The following PPEF2 variants were observed in gnomAD, a reference collection of about 807,000 sequenced individuals.
The protein encoded by PPEF2 is serine/threonine-protein phosphatase with EF-hands 2.
In PPEF2, 84 loss-of-function variants were observed where a neutral mutation model predicts 84.7. The ratio of observed to expected loss-of-function variants is 0.99; its 90% CI spans 0.83 to 1.19. The LOEUF is 1.19. Ranked by LOEUF, PPEF2 falls within the 50% of genes most tolerant of loss-of-function variation. PPEF2 has a pLI of 0.00. For synonymous variants in PPEF2, 346 were observed against 345.2 expected (o/e 1.00, Z -0.03); for missense variants, 924 against 937.5 (o/e 0.99, Z 0.19).
chr4:75,871,929 T>C, intron 13 of PPEF2, 96 bp downstream of exon 13: 3 of 1,337,844 alleles, frequency 2.2e-6, no homozygotes, highest in South Asian at 3.0e-5. Flanking sequence ...AATTCTCACG[T>C]AGAATTTGAA....
At chr4:75,899,310 C>T (rs186093103) in intron 1 of PPEF2, among the ~76,000 whole-genome samples, 1 of 152,268 alleles carries the variant, frequency 6.6e-6, no homozygotes, top group Non-Finnish European at 1.5e-5. Context: ...AATAATGTTA[C>T]AATAAACATG....
intron 1 of PPEF2, among the ~76,000 whole-genome samples, chr4:75,900,927 G>A (rs1266382206): frequency 6.6e-6 from 1 of 152,054 alleles, no homozygotes; most frequent in Non-Finnish European, 1.5e-5. Flanking sequence ...AGCACGCCTA[G>A]TGTGATATCA....
intron 1 of PPEF2, among the ~76,000 whole-genome samples, chr4:75,899,173 T>C (rs569636644): frequency 2.2e-4 from 33 of 152,314 alleles, no homozygotes; most frequent in African/African-American, 7.7e-4. Flanking sequence ...ACCCATATTG[T>C]CACACAGAAC....
At position 75,887,784 on chromosome 4, in the gene PPEF2, G is replaced by A. The variant is rs146462798; in HGVS notation, c.532+430C>T. 2.4e-3 allele frequency among the ~76,000 whole-genome samples: 369 copies of A among 152,278 alleles called. 1 individual carries two copies. The highest frequency in any genetic ancestry group is 4.3e-3 in the Non-Finnish European group (290 of 68,026). ...CTACAGTGGATGTTAAAAATCACTG[G>A]AAACATAAGATGGGGAAAACAGTCA... On this transcript the variant is annotated intron_variant, in intron 6 of 16. Coordinates refer to ENST00000286719, the MANE Select transcript of PPEF2 (RefSeq NM_006239.3).
At chr4:75,877,855 T>G (rs1724469954) in intron 10 of PPEF2, among the ~76,000 whole-genome samples, 1 of 152,186 alleles carries the variant, frequency 6.6e-6, no homozygotes, top group Non-Finnish European at 1.5e-5. Flanking sequence ...AACCTGGTCC[T>G]TCACATATAA....
chr4:75,869,186 T>C (rs1156250106), intron 13 of PPEF2, among the ~76,000 whole-genome samples: 1 of 152,220 alleles, frequency 6.6e-6, no homozygotes. Context: ...AAGCTGCTCC[T>C]GGTAATCTGT....
At chr4:75,884,493 C>T in intron 8 of PPEF2, 101 bp downstream of exon 8, 1 of 1,313,690 alleles carries the variant, frequency 7.6e-7, no homozygotes, top group South Asian at 1.6e-5. Flanking sequence ...AATTGGAAAA[C>T]TAGTTTTAAA....
At chr4:75,877,149 C>G (rs1321236691) in intron 10 of PPEF2, among the ~76,000 whole-genome samples, 1 of 151,644 alleles carries the variant, frequency 6.6e-6, no homozygotes, top group African/African-American at 2.4e-5. Flanking sequence ...ACCAGCCTGA[C>G]CAACATGGAG....
intron 16 of PPEF2, among the ~76,000 whole-genome samples, chr4:75,862,209 C>G (rs1186977408): frequency 6.7e-6 from 1 of 148,666 alleles, no homozygotes; most frequent in African/African-American, 2.5e-5. Flanking sequence ...AGAAGAATTG[C>G]TTGAACCCAG....
In PPEF2 at chr4:75,896,467, G is replaced by A; in HGVS notation, c.-58-84C>T. On this transcript the variant is annotated intron_variant, in intron 1 of 16. Transcript: ENST00000286719. ...GGGCCAAATTGTCTATGAATCATGT[G>A]AGAGTATCCTCTCCACCTCTCCAGT... is the stretch of plus-strand genomic sequence containing the variant. 3 of 806,098 alleles carry A rather than the reference G, an allele frequency of 3.7e-6. No homozygotes were observed. In the Admixed American group the frequency reaches 6.0e-5, roughly 16 times the overall value. The allele number at this position is 806,098 out of a possible 1,614,324, so 49.9% of individuals were successfully genotyped here. A position where few individuals can be genotyped will look rare whatever the true frequency, so the allele number is the denominator to read the frequency against.
intron 2 of PPEF2, among the ~76,000 whole-genome samples, chr4:75,895,128 T>C (rs928160088): frequency 3.3e-4 from 4 of 12,036 alleles, no homozygotes; most frequent in African/African-American, 1.0e-3. Context: ...AGCTAATTAA[T>C]TTTTTTTTTT....
chr4:75,891,047 G>T (rs916342801), intron 4 of PPEF2, among the ~76,000 whole-genome samples: 6 of 152,032 alleles, frequency 3.9e-5, no homozygotes, highest in African/African-American at 1.4e-4. Context: ...AGCCAGGTGT[G>T]TTGGTGCACA....
At chr4:75,889,917 A>C in intron 5 of PPEF2, 40 bp downstream of exon 5, 1 of 1,602,524 alleles carries the variant, frequency 6.2e-7, no homozygotes, top group Non-Finnish European at 8.5e-7. Context: ...CACACATTTC[A>C]TGGAGTTGGT....
At chr4:75,863,799 A>G (rs1271698276) in intron 16 of PPEF2, among the ~76,000 whole-genome samples, 2 of 151,882 alleles carry the variant, frequency 1.3e-5, no homozygotes, top group Non-Finnish European at 2.9e-5. Context: ...ACACCTTTCT[A>G]TTCTAAGCAC....
chr4:75,895,127 A>ATTTTTTT (rs34515110), intron 2 of PPEF2, among the ~76,000 whole-genome samples: 23 of 129,270 alleles, frequency 1.8e-4, no homozygotes, highest in Non-Finnish European at 3.4e-4. Context: ...CAGCTAATTA[A>ATTTTTTT]TTTTTTTTTT....
Position 75,876,301 on chromosome 4 carries a change from C to G in PPEF2, c.1306G>C (p.Glu436Gln). 2 of 1,607,072 alleles carry G rather than the reference C, an allele frequency of 1.2e-6. No homozygotes were observed. Among genetic ancestry groups the G allele is most frequent in the South Asian group, 1.1e-5 (1 of 90,124 alleles). The change falls in exon 11 of 17, where the codon GAG becomes CAG. Residue 436 changes from glutamate to glutamine, a missense_variant. Transcript: ENST00000286719. Reference sequence around the variant, plus strand: ...GCCACGCTCACCTGCCTCCACTCCTCCTGAGTGGGCTTCCGCAGCTCTCCG... The same window carrying G: ...GCCACGCTCACCTGCCTCCACTCCTGCTGAGTGGGCTTCCGCAGCTCTCCG... ...EAGELRKPTQ[E>Q]EWRQVVDILW...
At chr4:75,898,623 T>G (rs142358572) in intron 1 of PPEF2, among the ~76,000 whole-genome samples, 1 of 152,248 alleles carries the variant, frequency 6.6e-6, no homozygotes. Context: ...AGAGAAAGAC[T>G]GTAAGCAAAT....
chr4:75,899,442 C>G (rs776364489), intron 1 of PPEF2, among the ~76,000 whole-genome samples: 34 of 152,124 alleles, frequency 2.2e-4, no homozygotes, highest in Non-Finnish European at 2.8e-4. Context: ...GACACTTTCT[C>G]TAGTTCTTCT....
intron 9 of PPEF2, 31 bp from the exon 10 acceptor site, chr4:75,883,106 C>A: frequency 1.9e-6 from 3 of 1,613,674 alleles, no homozygotes; most frequent in Non-Finnish European, 2.5e-6. Flanking sequence ...AAAATGTTAT[C>A]AAATAATTCA....
Sources: gnomAD v4.1 joint callset for allele counts (sites outside exome capture counted in the v4.1 genomes callset) on GRCh38, gnomAD v4.1.1 for gene constraint, MANE v1.5 for transcripts, NCBI Gene and HGNC (gene_info 2026-07-23, HGNC 2026-07-21) for gene names.